Variants in EED observed in about 807,000 individuals in gnomAD.
The protein encoded by EED is embryonic ectoderm development.
In EED, 9 loss-of-function variants were observed where a neutral mutation model predicts 61.0. The observed-to-expected ratio is 0.15, with a 90% CI of 0.09 to 0.26. The LOEUF (loss-of-function observed/expected upper bound fraction) is 0.26. Among genes scored for constraint, EED ranks in the 10% least tolerant of loss-of-function variants. EED has a pLI of 1.00. For synonymous variants in EED, 187 were observed against 174.4 expected, an observed-to-expected ratio of 1.07 and a Z score of -0.57; for missense variants, 315 against 542.3, an observed-to-expected ratio of 0.58 and a Z score of 4.16.
At chr11:86,282,308 A>T (rs1946334060), downstream of EED, among the ~76,000 whole-genome samples, 1 of 152,196 alleles carries the variant, frequency 6.6e-6, no homozygotes, top group African/African-American at 2.4e-5. Flanking sequence ...TAGTGATGGG[A>T]TGTATTTTGT....
intron 3 of EED, among the ~76,000 whole-genome samples, chr11:86,252,743 GA>G (rs1326205294): frequency 6.7e-6 from 1 of 149,966 alleles, no homozygotes; most frequent in African/African-American, 2.5e-5. Context: ...GTTTGGTGGT[GA>G]TTGTTGTTGT....
chr11:86,279,907 G>T (rs938585743), downstream of EED, among the ~76,000 whole-genome samples: 1 of 152,096 alleles, frequency 6.6e-6, no homozygotes, highest in East Asian at 1.9e-4. Context: ...AAATTCTTAC[G>T]TACAGCATCA....
At chr11:86,267,356 G>A (rs1946004986) in intron 8 of EED, among the ~76,000 whole-genome samples, 1 of 152,074 alleles carries the variant, frequency 6.6e-6, no homozygotes, top group Non-Finnish European at 1.5e-5. Context: ...CATATCTGAG[G>A]GAAAAGGTAA....
intron 11 of EED, 33 bp downstream of exon 11, chr11:86,278,024 A>G (rs746880559): frequency 7.9e-5 from 117 of 1,486,132 alleles, no homozygotes; most frequent in Non-Finnish European, 9.7e-5. Context: ...TCAAAATTTC[A>G]GGCTTTTTCT....
At chr11:86,257,475 T>C (rs1284335851) in intron 5 of EED, 40 bp from the exon 6 acceptor site, 5 of 1,522,810 alleles carry the variant, frequency 3.3e-6, no homozygotes, top group South Asian at 1.2e-5. Context: ...ATTTACTGAT[T>C]TTGAGATAGG....
intron 6 of EED, chr11:86,263,843 G>A (rs1945905286): frequency 5.1e-6 from 1 of 195,788 alleles, no homozygotes; most frequent in South Asian, 1.6e-4. Flanking sequence ...TATAGCCTCA[G>A]GCCCTTTTAT....
chr11:86,255,074 G>A, intron 3 of EED, 148 bp from the exon 4 acceptor site: 1 of 551,012 alleles, frequency 1.8e-6, no homozygotes, highest in Non-Finnish European at 3.2e-6. Context: ...GCTTTATAAT[G>A]GCTTCTTTAA....
At chr11:86,283,004 C>T (rs1012212726), downstream of EED, among the ~76,000 whole-genome samples, 33 of 152,008 alleles carry the variant, frequency 2.2e-4, no homozygotes, top group Admixed American at 2.0e-4. Context: ...CATGATGGTG[C>T]ATGCCTGTAT....
chr11:86,270,435 T>C (rs1208206997), intron 9 of EED, among the ~76,000 whole-genome samples: 2 of 151,930 alleles, frequency 1.3e-5, no homozygotes, highest in African/African-American at 4.8e-5. Context: ...ATACATAGTT[T>C]GCAAATATTT....
intron 6 of EED, among the ~76,000 whole-genome samples, chr11:86,263,560 T>G (rs748978028): frequency 3.3e-5 from 5 of 152,218 alleles, no homozygotes; most frequent in Non-Finnish European, 7.3e-5. Context: ...TTTAAATTTT[T>G]TGTTGAGACA....
chr11:86,283,018 C>T (rs1399574188), downstream of EED, among the ~76,000 whole-genome samples: 1 of 152,054 alleles, frequency 6.6e-6, no homozygotes, highest in African/African-American at 2.4e-5. Flanking sequence ...CCTGTATTCT[C>T]AGCTACTTGG....
intron 6 of EED, 91 bp from the exon 7 acceptor site, chr11:86,264,081 C>T (rs985758159): frequency 8.2e-6 from 8 of 975,608 alleles, no homozygotes; most frequent in African/African-American, 8.1e-5. Flanking sequence ...GCATAACTTA[C>T]ATCTAGACTT....
chr11:86,248,745 G>T (rs746166704), intron 1 of EED, among the ~76,000 whole-genome samples: 1 of 152,118 alleles, frequency 6.6e-6, no homozygotes, highest in Non-Finnish European at 1.5e-5. Flanking sequence ...GTGGCTGGGC[G>T]CAGTGGCTCA....
chr11:86,274,820 C>T (rs1186097063), intron 9 of EED, among the ~76,000 whole-genome samples: 1 of 152,172 alleles, frequency 6.6e-6, no homozygotes, highest in Non-Finnish European at 1.5e-5. Context: ...CGGGTCACCC[C>T]ATTGCTATAA....
At chr11:86,257,400 C>A (rs984332495) in intron 5 of EED, 115 bp from the exon 6 acceptor site, 46 of 602,572 alleles carry the variant, frequency 7.6e-5, no homozygotes, top group Non-Finnish European at 1.1e-4. Context: ...AGTATGCAGC[C>A]AAGGTTGAGA....
chr11:86,269,182 A>G (rs763965872), intron 9 of EED, among the ~76,000 whole-genome samples: 2 of 152,350 alleles, frequency 1.3e-5, no homozygotes, highest in Non-Finnish European at 2.9e-5. Context: ...AAAGCATTGA[A>G]TATCTCACAT....
chr11:86,285,689 C>T, the EED span, among the ~76,000 whole-genome samples: 2 of 151,968 alleles, frequency 1.3e-5, no homozygotes, highest in Non-Finnish European at 2.9e-5. Context: ...CTTCCGCCTC[C>T]CAGTTTCAAG....
chr11:86,250,601 T>A (rs1409104876), intron 2 of EED, among the ~76,000 whole-genome samples, 153 bp downstream of exon 2: 1 of 152,088 alleles, frequency 6.6e-6, no homozygotes, highest in Non-Finnish European at 1.5e-5. Context: ...TAGTTCAGAC[T>A]GCGTATCTAT....
chr11:86,255,933 T>C lies in EED; in HGVS notation c.427-454T>C, dbSNP rs145190199. Among the ~76,000 whole-genome samples the C allele has an allele frequency of 4.1e-4, 63 of 152,288 alleles. No individual in the cohort carries two copies. In the East Asian group the frequency reaches 0.012, roughly 28 times the overall value. ...CAGTCTTCTCTAAAAGATATTGAAA[T>C]GTGACCTGTTGTTGTATTGAGACTG... On this transcript the variant is annotated intron_variant, in intron 4 of 11. Transcript: ENST00000263360.
Sources: allele counts gnomAD v4.1 joint callset (sites outside exome capture counted in the v4.1 genomes callset), GRCh38; gene constraint gnomAD v4.1.1; transcripts MANE v1.5; gene names NCBI Gene and HGNC (gene_info 2026-07-23, HGNC 2026-07-21).